Variants in ZNF469 observed in about 807,000 individuals in gnomAD.
The protein encoded by ZNF469 is zinc finger protein 469.
ZNF469 carries 1 observed loss-of-function variant against 1.0 expected under a neutral mutation model. That is an observed-to-expected ratio of 1.00 (90% CI 0.35 to 4.73). The LOEUF (loss-of-function observed/expected upper bound fraction) is 4.73. ZNF469 is among the 30% of genes most tolerant of loss of function. ZNF469 has a pLI of 0.16. For synonymous variants in ZNF469, 2,703 were observed against 2,363.4 expected (o/e 1.14, Z -4.17); for missense variants, 6,100 against 5,356.3 (o/e 1.14, Z -4.33).
At chr16:88,287,407 C>T in the ZNF469 span, among the ~76,000 whole-genome samples, 2 of 152,230 alleles carry the variant, frequency 1.3e-5, no homozygotes, top group Non-Finnish European at 2.9e-5. Flanking sequence ...TTGTGTACAA[C>T]CGCACCAGCG....
At chr16:88,345,477 C>G in the ZNF469 span, among the ~76,000 whole-genome samples, 1 of 152,220 alleles carries the variant, frequency 6.6e-6, no homozygotes, top group African/African-American at 2.4e-5. Context: ...GGGTAGGTGA[C>G]ACCAGGAGCA....
intron 1 of ZNF469, among the ~76,000 whole-genome samples, chr16:88,398,701 T>A (rs557327909): frequency 4.7e-5 from 4 of 85,216 alleles, no homozygotes; most frequent in Non-Finnish European, 9.4e-5. Flanking sequence ...GGAAAGGGCA[T>A]GTGAGCCACA....
At chr16:88,217,725 AATG>A in the ZNF469 span, among the ~76,000 whole-genome samples, 2 of 110,158 alleles carry the variant, frequency 1.8e-5, no homozygotes, top group Non-Finnish European at 3.8e-5. Flanking sequence ...GTTTACGGAG[AATG>A]ATGATTTCCA....
chr16:88,292,987 C>A, the ZNF469 span, among the ~76,000 whole-genome samples: 5 of 152,162 alleles, frequency 3.3e-5, no homozygotes, highest in African/African-American at 1.2e-4. Flanking sequence ...TCATCCTTCA[C>A]ACAGAAAGAT....
chr16:88,348,842 C>T, the ZNF469 span, among the ~76,000 whole-genome samples: 6 of 152,176 alleles, frequency 3.9e-5, no homozygotes, highest in Non-Finnish European at 8.8e-5. Context: ...GGGGAATGGT[C>T]ACACAGGACC....
chr16:88,126,188 C>CAAAA, the ZNF469 span, among the ~76,000 whole-genome samples: 91 of 59,010 alleles, frequency 1.5e-3, no homozygotes, highest in African/African-American at 4.4e-3. Flanking sequence ...GACTCCATCC[C>CAAAA]AAAAAAAAAA....
the ZNF469 span, among the ~76,000 whole-genome samples, chr16:88,124,607 G>C: frequency 2.0e-5 from 3 of 151,398 alleles, no homozygotes; most frequent in Non-Finnish European, 4.4e-5. Context: ...TTTTTGAGAT[G>C]GAGTTTTGCT....
chr16:88,305,399 C>G, the ZNF469 span, among the ~76,000 whole-genome samples: 1 of 150,672 alleles, frequency 6.6e-6, no homozygotes, highest in African/African-American at 2.4e-5. Flanking sequence ...CATGTGCACA[C>G]ACACGCTCAC....
chr16:88,331,352 C>A, the ZNF469 span, among the ~76,000 whole-genome samples: 4 of 150,834 alleles, frequency 2.7e-5, no homozygotes, highest in Non-Finnish European at 4.4e-5. Flanking sequence ...TCCTCCTCAC[C>A]ACCATCATCA....
At chr16:88,374,328 AAGCT>A in the ZNF469 span, among the ~76,000 whole-genome samples, 1 of 152,218 alleles carries the variant, frequency 6.6e-6, no homozygotes, top group African/African-American at 2.4e-5. Flanking sequence ...CTAGCTGGCA[AAGCT>A]GGCAGCAAGG....
At chr16:88,274,242 GC>G in the ZNF469 span, among the ~76,000 whole-genome samples, 163 of 152,322 alleles carry the variant, frequency 1.1e-3, no homozygotes, top group African/African-American at 3.8e-3. Flanking sequence ...GGTCCCTAGA[GC>G]AGTGAGATTC....
the ZNF469 span, among the ~76,000 whole-genome samples, chr16:88,372,772 C>T: frequency 1.1e-3 from 161 of 151,472 alleles, 3 homozygotes; most frequent in South Asian, 0.032. Context: ...CCATCTTCAC[C>T]ATCATCACCA....
rs1328079478 is a variant in ZNF469, at chr16:88,428,985, T to G, written c.1515T>G (p.Pro505=). 6.5e-7 allele frequency: 1 copy of G among 1,548,972 alleles called. No individual in the cohort carries two copies. Among genetic ancestry groups the G allele is most frequent in the Non-Finnish European group, 8.7e-7 (1 of 1,146,582 alleles). Reference sequence around the variant, plus strand: ...GAATGGAGATGCTGAGCCGGCTGCCTTTCCCCGCGGGGGGCCCCGAGTGGC... The same window carrying G: ...GAATGGAGATGCTGAGCCGGCTGCCGTTCCCCGCGGGGGGCCCCGAGTGGC... ...PHGMEMLSRL[P]FPAGGPEWQG... is the part of the protein sequence containing the mutation. The change falls in exon 3 of 3, where the codon CCT becomes CCG. Residue 505 remains proline (P), a synonymous_variant. Coordinates refer to ENST00000565624, the MANE Select transcript of ZNF469 (RefSeq NM_001367624.2).
the ZNF469 span, among the ~76,000 whole-genome samples, chr16:88,132,002 G>T: frequency 6.6e-6 from 1 of 152,236 alleles, no homozygotes; most frequent in African/African-American, 2.4e-5. Flanking sequence ...GCGATGCTCC[G>T]CCCGTGGGAA....
At chr16:88,359,217 T>G in the ZNF469 span, among the ~76,000 whole-genome samples, 2 of 141,924 alleles carry the variant, frequency 1.4e-5, no homozygotes, top group African/African-American at 5.3e-5. Context: ...GTACCCTGCA[T>G]GCATTTGCTA....
upstream of ZNF469, among the ~76,000 whole-genome samples, chr16:88,378,621 C>G (rs538410625): frequency 3.3e-5 from 5 of 152,268 alleles, no homozygotes; most frequent in Admixed American, 2.0e-4. Flanking sequence ...TGTGCAGACC[C>G]CAATGCTCGG....
chr16:88,234,637 C>G, the ZNF469 span: 3 of 152,284 alleles, frequency 2.0e-5, no homozygotes, highest in Non-Finnish European at 4.4e-5. Flanking sequence ...GAGCTGGGCG[C>G]GCTCTTCTGG....
At chr16:88,290,281 A>T in the ZNF469 span, among the ~76,000 whole-genome samples, 1 of 152,214 alleles carries the variant, frequency 6.6e-6, no homozygotes, top group Non-Finnish European at 1.5e-5. Flanking sequence ...GGTGCCCTTG[A>T]TCTCAAAGTT....
the ZNF469 span, among the ~76,000 whole-genome samples, chr16:88,218,763 G>A: frequency 6.6e-6 from 1 of 151,820 alleles, no homozygotes; most frequent in African/African-American, 2.4e-5. Context: ...GGAAGTTCTG[G>A]CCAGGGCAAT....
Sources: gnomAD v4.1 joint callset for allele counts (sites outside exome capture counted in the v4.1 genomes callset) on GRCh38, gnomAD v4.1.1 for gene constraint, MANE v1.5 for transcripts, NCBI Gene and HGNC (gene_info 2026-07-23, HGNC 2026-07-21) for gene names.